Variants in CNTNAP2 observed in about 807,000 individuals in gnomAD.
The protein encoded by CNTNAP2 is contactin-associated protein-like 2.
A neutral mutation model predicts 155.2 loss-of-function variants in CNTNAP2; 98 were observed. The ratio of observed to expected loss-of-function variants is 0.63; its 90% CI spans 0.54 to 0.75. CNTNAP2 has a LOEUF of 0.75. Among genes scored for constraint, CNTNAP2 ranks in the 30% least tolerant of loss-of-function variants. CNTNAP2 has a pLI of 0.00. For missense variants in CNTNAP2, 1,727 were observed against 1,688.1 expected, an observed-to-expected ratio of 1.02 and a Z score of -0.40; for synonymous variants, 651 against 631.2, an observed-to-expected ratio of 1.03 and a Z score of -0.47.
chr7:146,166,250 T>C (rs1798310887), intron 1 of CNTNAP2, among the ~76,000 whole-genome samples: 1 of 152,054 alleles, frequency 6.6e-6, no homozygotes, highest in South Asian at 2.1e-4. Flanking sequence ...CCCACCACCA[T>C]GCCTGGGTAC....
chr7:148,008,368 T>C (rs1341499752), intron 15 of CNTNAP2, among the ~76,000 whole-genome samples: 2 of 152,170 alleles, frequency 1.3e-5, no homozygotes, highest in Non-Finnish European at 2.9e-5. Context: ...CAAGACTCCA[T>C]CTCAAACAAA....
At chr7:146,124,283 A>G (rs1322642183) in intron 1 of CNTNAP2, among the ~76,000 whole-genome samples, 1 of 152,278 alleles carries the variant, frequency 6.6e-6, no homozygotes. Context: ...CTTCTATATC[A>G]TAGACTGAAG....
intron 4 of CNTNAP2, among the ~76,000 whole-genome samples, chr7:147,106,708 T>C (rs1800773570): frequency 6.6e-6 from 1 of 152,182 alleles, no homozygotes. Flanking sequence ...TGCTTAGATT[T>C]CATTTTATTC....
At chr7:147,893,786 A>G (rs1188533301) in intron 13 of CNTNAP2, among the ~76,000 whole-genome samples, 1 of 152,176 alleles carries the variant, frequency 6.6e-6, no homozygotes, top group African/African-American at 2.4e-5. Flanking sequence ...TTCAGCTACC[A>G]TGGCCCAGAT....
intron 11 of CNTNAP2, among the ~76,000 whole-genome samples, chr7:147,501,038 T>A (rs1798801409): frequency 6.6e-6 from 1 of 151,940 alleles, no homozygotes; most frequent in Non-Finnish European, 1.5e-5. Flanking sequence ...TACACCAAGA[T>A]CAACTGGGAT....
At chr7:146,260,014 G>A (rs1799897153) in intron 1 of CNTNAP2, among the ~76,000 whole-genome samples, 1 of 152,184 alleles carries the variant, frequency 6.6e-6, no homozygotes, top group Non-Finnish European at 1.5e-5. Flanking sequence ...GTAACCTCGG[G>A]ACTTGGTGCC....
chr7:148,253,027 T>TAGATAGAC (rs1796392532), intron 20 of CNTNAP2, among the ~76,000 whole-genome samples: 1 of 114,862 alleles, frequency 8.7e-6, no homozygotes, highest in Non-Finnish European at 1.9e-5. Flanking sequence ...GATAGATAGA[T>TAGATAGAC]AGATAGATAG....
chr7:146,328,735 A>AC (rs1801135467), intron 1 of CNTNAP2, among the ~76,000 whole-genome samples: 1 of 152,100 alleles, frequency 6.6e-6, no homozygotes, highest in Non-Finnish European at 1.5e-5. Flanking sequence ...CCTCTCTGTT[A>AC]CCAAGAATTT....
At chr7:147,772,915 C>T (rs929831626) in intron 13 of CNTNAP2, among the ~76,000 whole-genome samples, 20 of 152,178 alleles carry the variant, frequency 1.3e-4, no homozygotes, top group Admixed American at 1.2e-3. Flanking sequence ...TCATCAGAGT[C>T]ATATCCACAC....
At chr7:146,995,532 C>T (rs1798292779) in intron 3 of CNTNAP2, among the ~76,000 whole-genome samples, 1 of 152,070 alleles carries the variant, frequency 6.6e-6, no homozygotes, top group Non-Finnish European at 1.5e-5. Flanking sequence ...GCCATTCTAA[C>T]AGGAGTGACA....
intron 1 of CNTNAP2, among the ~76,000 whole-genome samples, chr7:146,244,389 G>A (rs1799611956): frequency 6.6e-6 from 1 of 151,704 alleles, no homozygotes; most frequent in Non-Finnish European, 1.5e-5. Flanking sequence ...GGAATGACAA[G>A]TTTTTTGGGG....
chr7:147,839,352 T>A (rs1563106892), intron 13 of CNTNAP2, among the ~76,000 whole-genome samples: 1 of 152,052 alleles, frequency 6.6e-6, no homozygotes, highest in Non-Finnish European at 1.5e-5. Context: ...CCTAATAGAT[T>A]CCAAAGATTG....
chr7:146,214,092 C>A (rs2116887055), intron 1 of CNTNAP2, among the ~76,000 whole-genome samples: 1 of 152,246 alleles, frequency 6.6e-6, no homozygotes, highest in Non-Finnish European at 1.5e-5. Flanking sequence ...AATATATGTG[C>A]ATTGCTATAT....
Position 147,738,594 on chromosome 7 carries a change from T to G in CNTNAP2, c.2098+99288T>G, listed in dbSNP as rs568600639. 2.0e-5 allele frequency among the ~76,000 whole-genome samples: 3 copies of G among 152,280 alleles called. No individual in the cohort carries two copies. The South Asian group carries it at 6.2e-4, about 32-fold the overall frequency. ...ATTTTTTAAATTAAGGTATGTACAT[T>G]TTCTTGGTCATAATGCTTTTGCACA... On this transcript the variant is annotated intron_variant, in intron 13 of 23. Transcript: ENST00000361727.
At chr7:146,791,229 C>A (rs565764323) in intron 2 of CNTNAP2, among the ~76,000 whole-genome samples, 1 of 152,012 alleles carries the variant, frequency 6.6e-6, no homozygotes, top group East Asian at 1.9e-4. Flanking sequence ...CTGAGAATGG[C>A]GGTTTCCAGC....
At chr7:146,922,882 G>A (rs943762073) in intron 3 of CNTNAP2, among the ~76,000 whole-genome samples, 4 of 152,144 alleles carry the variant, frequency 2.6e-5, no homozygotes, top group Admixed American at 1.3e-4. Context: ...TTTACTCTAC[G>A]GGAAATGGGA....
chr7:148,189,868 C>T (rs1562989285), intron 18 of CNTNAP2: 1 of 152,288 alleles, frequency 6.6e-6, no homozygotes, highest in East Asian at 1.9e-4. Flanking sequence ...CAATCTTCTC[C>T]TCACTCTTGC....
At chr7:147,436,647 CT>C (rs1244135621) in intron 10 of CNTNAP2, among the ~76,000 whole-genome samples, 3 of 152,162 alleles carry the variant, frequency 2.0e-5, no homozygotes, top group African/African-American at 7.2e-5. Flanking sequence ...CTCAACTCCA[CT>C]GAAACAAAGG....
intron 1 of CNTNAP2, among the ~76,000 whole-genome samples, chr7:146,503,243 G>A (rs1797333500): frequency 6.6e-6 from 1 of 151,974 alleles, no homozygotes; most frequent in Non-Finnish European, 1.5e-5. Flanking sequence ...TTTGTTATCT[G>A]TGCTTTTGAG....
Sources: gnomAD v4.1 joint callset for allele counts (sites outside exome capture counted in the v4.1 genomes callset) on GRCh38, gnomAD v4.1.1 for gene constraint, MANE v1.5 for transcripts, NCBI Gene and HGNC (gene_info 2026-07-23, HGNC 2026-07-21) for gene names.